Variants in EEIG2 observed in about 807,000 individuals in gnomAD.
EEIG2 encodes the protein EEIG family member 2, also known as family with sequence similarity 102 member B.
the EEIG2 span, chr1:108,627,152 G>T: frequency 6.6e-6 from 1 of 152,132 alleles, no homozygotes; most frequent in East Asian, 1.9e-4. Flanking sequence ...TAAGATCTGG[G>T]CCAAACCCAG....
chr1:108,632,523 A>G, the EEIG2 span, among the ~76,000 whole-genome samples: 1 of 152,178 alleles, frequency 6.6e-6, no homozygotes, highest in African/African-American at 2.4e-5. Context: ...AGCAGGGGGA[A>G]CTAGGTAGAA....
the EEIG2 span, among the ~76,000 whole-genome samples, chr1:108,623,271 C>G: frequency 6.7e-6 from 1 of 149,252 alleles, no homozygotes; most frequent in African/African-American, 2.5e-5. Context: ...CCCAGGAGTT[C>G]GAGACCAGCC....
the EEIG2 span, among the ~76,000 whole-genome samples, chr1:108,580,032 T>A: frequency 6.6e-6 from 1 of 152,164 alleles, no homozygotes; most frequent in Admixed American, 6.6e-5. Flanking sequence ...CCCAAAGTGC[T>A]GAGATTACAA....
At chr1:108,576,613 A>T in the EEIG2 span, among the ~76,000 whole-genome samples, 1 of 144,466 alleles carries the variant, frequency 6.9e-6, no homozygotes, top group African/African-American at 2.6e-5. Context: ...ATGTCCCTAC[A>T]AAGGACATGA....
the EEIG2 span, among the ~76,000 whole-genome samples, chr1:108,602,246 G>A: frequency 6.6e-6 from 1 of 152,170 alleles, no homozygotes; most frequent in Non-Finnish European, 1.5e-5. Flanking sequence ...TCCTAGGACT[G>A]CTATAAATAA....
At chr1:108,618,647 CT>C in the EEIG2 span, among the ~76,000 whole-genome samples, 1 of 151,968 alleles carries the variant, frequency 6.6e-6, no homozygotes, top group Non-Finnish European at 1.5e-5. Context: ...AATCCCAGTA[CT>C]TTGGGAGGCC....
the EEIG2 span, chr1:108,625,831 G>T: frequency 6.8e-6 from 1 of 147,666 alleles, no homozygotes; most frequent in African/African-American, 2.6e-5. Flanking sequence ...TGTGTGTGGA[G>T]AGAGAGAGAG....
At chr1:108,581,467 T>C in the EEIG2 span, among the ~76,000 whole-genome samples, 7 of 152,186 alleles carry the variant, frequency 4.6e-5, no homozygotes, top group Non-Finnish European at 8.8e-5. Flanking sequence ...TTGAAAACCT[T>C]CTGGAAAAGA....
At chr1:108,628,172 T>C in the EEIG2 span, 2 of 1,614,076 alleles carry the variant, frequency 1.2e-6, no homozygotes, top group Non-Finnish European at 1.7e-6. Flanking sequence ...TACAGATCTT[T>C]CAGCAAAGAG....
the EEIG2 span, among the ~76,000 whole-genome samples, chr1:108,622,219 C>T: frequency 4.4e-3 from 667 of 152,196 alleles, 2 homozygotes; most frequent in African/African-American, 0.015. Context: ...CAGGTCTAGG[C>T]CAGACTGCAA....
At chr1:108,602,001 G>C in the EEIG2 span, among the ~76,000 whole-genome samples, 1 of 152,154 alleles carries the variant, frequency 6.6e-6, no homozygotes. Flanking sequence ...AGAGACCATA[G>C]TAAACATGTA....
chr1:108,631,040 G>T, the EEIG2 span: 1 of 249,090 alleles, frequency 4.0e-6, no homozygotes, highest in Non-Finnish European at 8.5e-6. Flanking sequence ...TCATAAGTAG[G>T]TAAGAGAGAG....
chr1:108,628,397 T>C, the EEIG2 span: 1 of 1,613,816 alleles, frequency 6.2e-7, no homozygotes, highest in Non-Finnish European at 8.5e-7. Flanking sequence ...TCTGACAGGG[T>C]ATAGCACGTG....
At chr1:108,630,796 T>TATTTATGTAG in the EEIG2 span, among the ~76,000 whole-genome samples, 2 of 152,166 alleles carry the variant, frequency 1.3e-5, no homozygotes, top group Non-Finnish European at 2.9e-5. Context: ...TTCCATGTCG[T>TATTTATGTAG]ATTTATGTAG....
chr1:108,569,299 A>G, the EEIG2 span, among the ~76,000 whole-genome samples: 1 of 152,204 alleles, frequency 6.6e-6, no homozygotes, highest in Non-Finnish European at 1.5e-5. Flanking sequence ...CCTCGTTAGG[A>G]GGATGGGTCA....
chr1:108,600,466 C>A, the EEIG2 span: 2 of 1,339,276 alleles, frequency 1.5e-6, no homozygotes, highest in Non-Finnish European at 2.1e-6. Flanking sequence ...GCTTTTAACA[C>A]ATTACTTTTG....
At chr1:108,597,658 TTGTC>T in the EEIG2 span, among the ~76,000 whole-genome samples, 3 of 152,158 alleles carry the variant, frequency 2.0e-5, no homozygotes, top group African/African-American at 2.4e-5. Context: ...TAGTTATCAC[TTGTC>T]TGTCTGTCTC....
chr1:108,567,225 A>T, the EEIG2 span, among the ~76,000 whole-genome samples: 2 of 152,200 alleles, frequency 1.3e-5, no homozygotes, highest in Non-Finnish European at 2.9e-5. Flanking sequence ...AATTCACATT[A>T]TTATAATACC....
the EEIG2 span, among the ~76,000 whole-genome samples, chr1:108,607,327 A>T: frequency 6.6e-6 from 1 of 152,192 alleles, no homozygotes; most frequent in African/African-American, 2.4e-5. Context: ...GAGTGAGGAA[A>T]TGTTTCCTAG....
Sources: allele counts gnomAD v4.1 joint callset (sites outside exome capture counted in the v4.1 genomes callset), GRCh38; gene constraint gnomAD v4.1.1; transcripts MANE v1.5; gene names NCBI Gene and HGNC (gene_info 2026-07-23, HGNC 2026-07-21).